COLQ: variants seen among roughly 807,000 people sequenced by gnomAD.
COLQ encodes acetylcholinesterase collagenic tail peptide.
Under a neutral mutation model 69.0 loss-of-function variants are expected in COLQ, and 48 were observed. The observed-to-expected ratio is 0.70, with a 90% confidence interval of 0.55 to 0.88. The LOEUF (loss-of-function observed/expected upper bound fraction) is 0.88, where lower values mean the gene tolerates loss of function less well. COLQ is among the 40% of genes least tolerant of loss of function. COLQ has a pLI of 0.00. For missense variants in COLQ, 618 were observed against 594.6 expected, an observed-to-expected ratio of 1.04 and a Z score of -0.41; for synonymous variants, 217 against 211.2, an observed-to-expected ratio of 1.03 and a Z score of -0.24.
At chr3:15,462,886 A>G (rs1363057697) in intron 12 of COLQ, among the ~76,000 whole-genome samples, 3 of 152,202 alleles carry the variant, frequency 2.0e-5, no homozygotes, top group Non-Finnish European at 4.4e-5. Flanking sequence ...GACCATAGGA[A>G]TAGCTCCAGC....
rs189443733 is a variant in COLQ at position 15,480,626 on chromosome 3, G to A, written c.322-1244C>T. Among the ~76,000 whole-genome samples, 22 of 152,264 alleles carry A rather than the reference G, an allele frequency of 1.4e-4. No individual in the cohort carries two copies. In the East Asian group the frequency reaches 3.9e-3, roughly 27 times the overall value. On this transcript the variant is annotated intron_variant, in intron 3 of 16. Transcript: ENST00000383788. ...TTCCAAGTCTTTGCTATTGTGAATAGTGCCCCAATAAACATACGTGGGCAT... is the reference window on the plus strand; with the variant it reads ...TTCCAAGTCTTTGCTATTGTGAATAATGCCCCAATAAACATACGTGGGCAT...
At chr3:15,483,883 G>T (rs941519789) in intron 3 of COLQ, among the ~76,000 whole-genome samples, 1 of 152,200 alleles carries the variant, frequency 6.6e-6, no homozygotes, top group African/African-American at 2.4e-5. Flanking sequence ...CCTGCTTTAT[G>T]AATCTGGGTG....
At chr3:15,501,693 G>C (rs1325787401) in intron 1 of COLQ, among the ~76,000 whole-genome samples, 1 of 152,204 alleles carries the variant, frequency 6.6e-6, no homozygotes, top group Admixed American at 6.5e-5. Context: ...TCCAGTTATA[G>C]CCAGAATCTT....
At chr3:15,503,518 A>T (rs1435870402) in intron 1 of COLQ, among the ~76,000 whole-genome samples, 1 of 152,114 alleles carries the variant, frequency 6.6e-6, no homozygotes. Flanking sequence ...GTGAGCAAAA[A>T]ATAAATTTTG....
intron 1 of COLQ, among the ~76,000 whole-genome samples, chr3:15,520,096 A>G (rs756524122): frequency 1.3e-4 from 20 of 152,254 alleles, no homozygotes; most frequent in Non-Finnish European, 2.4e-4. Context: ...AGATTCTCAA[A>G]GGAATCCATG....
At chr3:15,489,706 C>A in intron 1 of COLQ, 69 bp from the exon 2 acceptor site, 1 of 1,386,080 alleles carries the variant, frequency 7.2e-7, no homozygotes, top group East Asian at 2.4e-5. Flanking sequence ...CCACCGTGCC[C>A]AGGGAAGACC....
At chr3:15,498,698 G>T in intron 1 of COLQ, 1 of 1,546,504 alleles carries the variant, frequency 6.5e-7, no homozygotes, top group South Asian at 1.2e-5. Flanking sequence ...CATTAGGGGT[G>T]GGAGTTGGCC....
intron 12 of COLQ, among the ~76,000 whole-genome samples, chr3:15,464,342 G>C (rs2062165993): frequency 6.6e-6 from 1 of 152,170 alleles, no homozygotes; most frequent in Admixed American, 6.5e-5. Flanking sequence ...GGTATCTGTG[G>C]ACCACAGGGA....
chr3:15,495,410 C>T (rs2062733038), intron 1 of COLQ, among the ~76,000 whole-genome samples: 1 of 152,170 alleles, frequency 6.6e-6, no homozygotes, highest in Non-Finnish European at 1.5e-5. Flanking sequence ...AATTGAGTAC[C>T]TTAATTCATA....
At chr3:15,494,644 C>T (rs1048616457) in intron 1 of COLQ, among the ~76,000 whole-genome samples, 2 of 152,064 alleles carry the variant, frequency 1.3e-5, no homozygotes, top group Non-Finnish European at 2.9e-5. Context: ...CACTAGATGC[C>T]GTCTCCACCA....
At chr3:15,495,549 T>C (rs1025401589) in intron 1 of COLQ, among the ~76,000 whole-genome samples, 2 of 152,222 alleles carry the variant, frequency 1.3e-5, no homozygotes, top group Non-Finnish European at 2.9e-5. Context: ...TTTTCGTCTG[T>C]GTTCAGTTGT....
intron 3 of COLQ, 68 bp downstream of exon 3, chr3:15,488,138 G>A (rs2062604373): frequency 2.7e-6 from 3 of 1,121,300 alleles, no homozygotes; most frequent in Admixed American, 3.5e-5. Flanking sequence ...ACACTAAGAG[G>A]CTCTGTGCAG....
In COLQ at chr3:15,450,540, A is replaced by T. The variant is rs1428106160; in HGVS notation, c.*1104T>A. On this transcript the variant is annotated 3_prime_UTR_variant, in exon 17 of 17. Coordinates refer to ENST00000383788, the MANE Select transcript of COLQ (RefSeq NM_005677.4). ...CCTACTCAGGAAAAATGGTGATGAA[A>T]GGCAGCTCACAGACATGCACGACTA... is the stretch of plus-strand genomic sequence containing the variant. 1 of 153,828 alleles carries T rather than the reference A, an allele frequency of 6.5e-6. No homozygotes were observed. The highest frequency in any genetic ancestry group is 1.9e-4 in the East Asian group (1 of 5,188). The allele number at this position is 153,828 out of a possible 1,614,324, so 9.5% of individuals were successfully genotyped here. A position where few individuals can be genotyped will look rare whatever the true frequency, so the allele number is the denominator to read the frequency against.
At chr3:15,479,892 T>C (rs997371182) in intron 3 of COLQ, among the ~76,000 whole-genome samples, 1 of 152,214 alleles carries the variant, frequency 6.6e-6, no homozygotes, top group Non-Finnish European at 1.5e-5. Context: ...TTTTTGCCTT[T>C]CTTCAGCAGG....
Position 15,474,268 on chromosome 3 carries a change from G to A in COLQ, c.560C>T (p.Ser187Phe). The change falls in exon 9 of 17, where the codon TCC becomes TTC. Residue 187 changes from serine to phenylalanine, a missense_variant. By Grantham distance (155) the Ser-to-Phe change is radical (BLOSUM62 -2). Transcript: ENST00000383788. ...GYPGSRGEKG[S>F]RGEKGDLGPK... ...ACCCAGGTCACCCTTTTCACCTCTGGATCCCTAGGAAGAAACCATAGGAGA... is the reference window on the plus strand; with the variant it reads ...ACCCAGGTCACCCTTTTCACCTCTGAATCCCTAGGAAGAAACCATAGGAGA... 1 of 1,613,846 alleles carries A rather than the reference G, an allele frequency of 6.2e-7. No individual in the cohort carries two copies. The highest frequency in any genetic ancestry group is 8.5e-7 in the Non-Finnish European group (1 of 1,179,758).
intron 15 of COLQ, 107 bp downstream of exon 15, chr3:15,455,792 G>T: frequency 6.8e-7 from 1 of 1,476,678 alleles, no homozygotes; most frequent in African/African-American, 1.4e-5. Flanking sequence ...ACCCTTCTCT[G>T]GCTCTAGAAA....
At chr3:15,453,982 CT>C (rs1473775624) in intron 15 of COLQ, 51 bp from the exon 16 acceptor site, 2 of 1,296,322 alleles carry the variant, frequency 1.5e-6, no homozygotes, top group Non-Finnish European at 1.1e-6. Context: ...AGGCGATAGG[CT>C]TGCCTCAGCT....
intron 1 of COLQ, among the ~76,000 whole-genome samples, chr3:15,518,775 G>A (rs1180762836): frequency 6.6e-6 from 1 of 152,146 alleles, no homozygotes; most frequent in Non-Finnish European, 1.5e-5. Flanking sequence ...TCAAAAGCAG[G>A]TGATCATGGA....
Position 15,471,138 on chromosome 3 carries a change from GGAT to G in COLQ, c.637-525_637-523del, listed in dbSNP as rs1166583695. On this transcript the variant is annotated intron_variant, in intron 10 of 16. Coordinates refer to ENST00000383788, the MANE Select transcript of COLQ (RefSeq NM_005677.4). Reference sequence around the variant, plus strand: ...CTACTCATTTAATGACTCTTGCTTAGGATTATGTGCTTGCCCACTCTTAGTAAG... The same window carrying G: ...CTACTCATTTAATGACTCTTGCTTAGTATGTGCTTGCCCACTCTTAGTAAG... Among the ~76,000 whole-genome samples, 3 of 152,320 alleles carry G rather than the reference GGAT, an allele frequency of 2.0e-5. No individual in the cohort carries two copies. The East Asian group carries it at 5.8e-4, about 29-fold the overall frequency.
Sources: gnomAD v4.1 joint callset for allele counts (sites outside exome capture counted in the v4.1 genomes callset) on GRCh38, gnomAD v4.1.1 for gene constraint, MANE v1.5 for transcripts, NCBI Gene and HGNC (gene_info 2026-07-23, HGNC 2026-07-21) for gene names.